PDE3A: variants seen among roughly 807,000 people sequenced by gnomAD.
The protein encoded by PDE3A is cGMP-inhibited 3',5'-cyclic phosphodiesterase 3A.
Under a neutral mutation model 98.3 loss-of-function variants are expected in PDE3A, and 43 were observed. The ratio of observed to expected loss-of-function variants is 0.44; its 90% CI spans 0.34 to 0.56. The LOEUF (loss-of-function observed/expected upper bound fraction) is 0.56, where lower values mean the gene tolerates loss of function less well. Among genes scored for constraint, PDE3A ranks in the 20% least tolerant of loss-of-function variants. The probability of loss-of-function intolerance (pLI) is 0.01; values close to 1 mark genes in which losing one functional copy is unlikely to be tolerated. For missense variants in PDE3A, 1,427 were observed against 1,440.7 expected, an observed-to-expected ratio of 0.99 and a Z score of 0.15; for synonymous variants, 663 against 567.9, an observed-to-expected ratio of 1.17 and a Z score of -2.38.
chr12:20,429,929 C>T (rs761956521), intron 1 of PDE3A, among the ~76,000 whole-genome samples: 9 of 151,998 alleles, frequency 5.9e-5, no homozygotes, highest in Admixed American at 2.6e-4. Flanking sequence ...TTTTGCCACA[C>T]GGTTGTAGGC....
Position 20,634,981 on chromosome 12 carries a change from A to G in PDE3A, c.1926A>G (p.Glu642=). 6.2e-7 allele frequency: 1 copy of G among 1,612,966 alleles called. No homozygotes were observed. The highest frequency in any genetic ancestry group is 8.5e-7 in the Non-Finnish European group (1 of 1,178,940). The change falls in exon 8 of 16, where the codon GAA becomes GAG. Residue 642 remains glutamate (E), a synonymous_variant. Coordinates refer to ENST00000359062, the MANE Select transcript of PDE3A (RefSeq NM_000921.5). ...DSSDIVQNED[E]TECLREPLRK... is the part of the protein sequence containing the mutation. ...GTGACATTGTACAGAATGAAGATGA[A>G]ACAGAGTGCCTGAGAGAGCCTCTGA...
chr12:20,373,735 G>A (rs1943522018), intron 1 of PDE3A, among the ~76,000 whole-genome samples: 1 of 151,998 alleles, frequency 6.6e-6, no homozygotes, highest in Non-Finnish European at 1.5e-5. Context: ...TTTTTGGGAT[G>A]GATACAACAT....
At chr12:20,386,717 T>A (rs1943817631) in intron 1 of PDE3A, among the ~76,000 whole-genome samples, 1 of 152,064 alleles carries the variant, frequency 6.6e-6, no homozygotes, top group South Asian at 2.1e-4. Context: ...AAAAATTTTC[T>A]CCCATTCTAT....
At chr12:20,671,118 C>T (rs1038466702) in intron 15 of PDE3A, among the ~76,000 whole-genome samples, 1 of 142,338 alleles carries the variant, frequency 7.0e-6, no homozygotes, top group Non-Finnish European at 1.5e-5. Context: ...ATAAATTCCT[C>T]GACACATACA....
chr12:20,522,379 G>C (rs1043284134), intron 1 of PDE3A, among the ~76,000 whole-genome samples: 7 of 152,306 alleles, frequency 4.6e-5, no homozygotes, highest in Middle Eastern at 6.8e-3. Context: ...AACTCTGAGA[G>C]TGGGGTTCAG....
At chr12:20,632,458 C>T (rs1944402750) in intron 6 of PDE3A, among the ~76,000 whole-genome samples, 1 of 152,106 alleles carries the variant, frequency 6.6e-6, no homozygotes, top group East Asian at 1.9e-4. Flanking sequence ...AAAAAAATCC[C>T]CTGAGACCCT....
chr12:20,517,115 A>T (rs1946335747), intron 1 of PDE3A, among the ~76,000 whole-genome samples: 1 of 152,238 alleles, frequency 6.6e-6, no homozygotes, highest in African/African-American at 2.4e-5. Flanking sequence ...CTTCTATTTC[A>T]TACTTTCCAA....
At chr12:20,442,869 T>G (rs1252485944) in intron 1 of PDE3A, among the ~76,000 whole-genome samples, 1 of 152,206 alleles carries the variant, frequency 6.6e-6, no homozygotes, top group Non-Finnish European at 1.5e-5. Context: ...GTGTTAAAAC[T>G]ATATCGTTCA....
At chr12:20,610,680 A>G (rs543253679) in intron 2 of PDE3A, among the ~76,000 whole-genome samples, 7 of 152,136 alleles carry the variant, frequency 4.6e-5, no homozygotes, top group African/African-American at 1.7e-4. Context: ...ACGTATATAC[A>G]TACAATGGAA....
chr12:20,369,230 G>C lies in PDE3A; in HGVS notation c.-55G>C. On this transcript the variant is annotated 5_prime_UTR_variant, in exon 1 of 16. Coordinates refer to ENST00000359062, the MANE Select transcript of PDE3A (RefSeq NM_000921.5). ...GTGTGTGCGCGCGCGCGCGTGGGTC[G>C]GGGCGGGGGCGTCGGGGGGCCACTG... 2 of 1,366,364 alleles carry C rather than the reference G, an allele frequency of 1.5e-6. No homozygotes were observed. Among genetic ancestry groups the C allele is most frequent in the African/African-American group, 1.5e-5 (1 of 68,234 alleles). The allele number at this position is 1,366,364 out of a possible 1,614,324, so 84.6% of individuals were successfully genotyped here. A position where few individuals can be genotyped will look rare whatever the true frequency, so the allele number is the denominator to read the frequency against.
chr12:20,599,772 A>G (rs373376410), intron 2 of PDE3A, among the ~76,000 whole-genome samples: 1 of 152,030 alleles, frequency 6.6e-6, no homozygotes, highest in Non-Finnish European at 1.5e-5. Flanking sequence ...ACATATATCT[A>G]TCTTCCATTT....
intron 1 of PDE3A, among the ~76,000 whole-genome samples, chr12:20,464,421 T>A (rs1490046270): frequency 2.0e-5 from 3 of 152,198 alleles, no homozygotes; most frequent in Non-Finnish European, 2.9e-5. Context: ...AGCTCTCGCT[T>A]TTTATATCAA....
chr12:20,681,351 A>C lies in PDE3A; in HGVS notation c.*1080A>C, dbSNP rs1267025406. On this transcript the variant is annotated 3_prime_UTR_variant, in exon 16 of 16. Coordinates refer to ENST00000359062, the MANE Select transcript of PDE3A (RefSeq NM_000921.5). Reference sequence around the variant, plus strand: ...GTCTTTTAATCAGGTTAGAATTCTAAATGATGCCAGAGAAGGCTTGGGAAA... The same window carrying C: ...GTCTTTTAATCAGGTTAGAATTCTACATGATGCCAGAGAAGGCTTGGGAAA... 1 of 152,212 alleles carries C rather than the reference A, an allele frequency of 6.6e-6. No homozygotes were observed. Among genetic ancestry groups the C allele is most frequent in the Non-Finnish European group, 1.5e-5 (1 of 68,030 alleles). 9.4% of individuals were successfully genotyped at this position (152,212 alleles called of 1,614,324 possible). A position where few individuals can be genotyped will look rare whatever the true frequency, so the allele number is the denominator to read the frequency against.
chr12:20,617,560 A>C (rs1944035835), intron 4 of PDE3A, among the ~76,000 whole-genome samples: 1 of 152,156 alleles, frequency 6.6e-6, no homozygotes, highest in Non-Finnish European at 1.5e-5. Flanking sequence ...TTGATCATTG[A>C]CAATTGCTAC....
Position 20,613,629 on chromosome 12 carries a change from T to G in PDE3A, c.1198T>G (p.Ser400Ala). Residue 400 changes from serine (S) to alanine (A), a missense_variant, in exon 3 of 16, where the codon TCG (serine) becomes GCG (alanine). This residue lies in a region of PDE3A where 1,012 missense variants were observed against 886.5 expected (regional missense o/e 1.14). Transcript: ENST00000359062. The stretch of plus-strand genomic sequence containing the variant: ...CAAGCCCAGAGTGAATCCCGTCACT[T>G]CGCTCAGTGAAAACTATACCTGTTC... ...IHKPRVNPVT[S>A]LSENYTCSDS... 6.2e-7 allele frequency: 1 copy of G among 1,613,672 alleles called. No homozygotes were observed. Among genetic ancestry groups the G allele is most frequent in the African/African-American group, 1.3e-5 (1 of 75,044 alleles).
chr12:20,670,519 C>A (rs1410595426), intron 15 of PDE3A, among the ~76,000 whole-genome samples: 5 of 152,242 alleles, frequency 3.3e-5, no homozygotes, highest in Non-Finnish European at 5.9e-5. Context: ...CAGTGCAATC[C>A]AGCTAGAACT....
chr12:20,552,880 T>G lies in PDE3A; in HGVS notation c.961-3780T>G. ...CGTGTGCAAGGACTGCCTGGACAGA[T>G]CCTTTCGGGCACAGGTGTTCAGCTG... On this transcript the variant is annotated intron_variant, in intron 1 of 15. Coordinates refer to ENST00000359062, the MANE Select transcript of PDE3A (RefSeq NM_000921.5). The surrounding 1 kb of genome is among the most constrained non-coding windows in gnomAD (Gnocchi z 5.1). 1 of 1,613,098 alleles carries G rather than the reference T, an allele frequency of 6.2e-7. No individual in the cohort carries two copies. Among genetic ancestry groups the G allele is most frequent in the Non-Finnish European group, 8.5e-7 (1 of 1,179,480 alleles).
At chr12:20,635,158 C>T in intron 8 of PDE3A, 102 bp downstream of exon 8, 11 of 1,039,050 alleles carry the variant, frequency 1.1e-5, no homozygotes, top group Non-Finnish European at 2.8e-6. Context: ...AGGTGGCTCA[C>T]ACCTGTAATC....
chr12:20,572,926 A>G lies in PDE3A; in HGVS notation c.1011+16216A>G, dbSNP rs75960733. Among the ~76,000 whole-genome samples the G allele has an allele frequency of 5.4e-3, 827 of 152,134 alleles. 12 individuals carry two copies. In the East Asian group the frequency reaches 0.055, roughly 10 times the overall value. ...TGCCAATATATAATATCTTCCCCCC[A>G]TACTGTACTGATTGGTATTCATCAG... is the stretch of plus-strand genomic sequence containing the variant. On this transcript the variant is annotated intron_variant, in intron 2 of 15. Transcript: ENST00000359062.
Sources: allele counts gnomAD v4.1 joint callset (sites outside exome capture counted in the v4.1 genomes callset), GRCh38; gene constraint gnomAD v4.1.1; regional missense constraint gnomAD v4.1.1; non-coding constraint Gnocchi (gnomAD v3.1); transcripts MANE v1.5; gene names NCBI Gene and HGNC (gene_info 2026-07-23, HGNC 2026-07-21).